Variants in FOXK2 observed in about 807,000 individuals in gnomAD.
The protein encoded by FOXK2 is forkhead box K2.
A neutral mutation model predicts 53.3 loss-of-function variants in FOXK2; 24 were observed. The ratio of observed to expected loss-of-function variants is 0.45; its 90% CI spans 0.33 to 0.63. FOXK2 has a LOEUF of 0.63. Among genes scored for constraint, FOXK2 ranks in the 30% least tolerant of loss-of-function variants. The probability of loss-of-function intolerance (pLI) is 0.03; values close to 1 mark genes in which losing one functional copy is unlikely to be tolerated. For missense variants in FOXK2, 952 were observed against 910.5 expected, an observed-to-expected ratio of 1.05 and a Z score of -0.59; for synonymous variants, 505 against 407.1, an observed-to-expected ratio of 1.24 and a Z score of -2.89.
chr17:82,584,270 C>A, intron 6 of FOXK2, 82 bp downstream of exon 6: 1 of 1,399,490 alleles, frequency 7.1e-7, no homozygotes. Flanking sequence ...AAGAAACAGC[C>A]GGACTGGAGG....
Position 82,538,151 on chromosome 17 carries a change from A to G in FOXK2, c.419+17844A>G, listed in dbSNP as rs916509935. Among the ~76,000 whole-genome samples, 36 of 152,112 alleles carry G rather than the reference A, an allele frequency of 2.4e-4. 4 individuals carry two copies. The highest frequency in any genetic ancestry group is 2.2e-3 in the Admixed American group (33 of 15,262). On this transcript the variant is annotated intron_variant, in intron 1 of 8. Transcript: ENST00000335255. ...GACAGGAGAATCGTTTGAACCCAAG[A>G]GGCAGAGGTTGCAGTGAGCCGAGAT...
intron 8 of FOXK2, among the ~76,000 whole-genome samples, chr17:82,589,640 G>C (rs571584853): frequency 7.9e-5 from 12 of 152,144 alleles, no homozygotes; most frequent in African/African-American, 2.9e-4. Context: ...CTGAGGGCCT[G>C]TTTCCACTCA....
intron 1 of FOXK2, among the ~76,000 whole-genome samples, chr17:82,520,623 C>T (rs571882185): frequency 1.3e-5 from 2 of 152,232 alleles, no homozygotes; most frequent in African/African-American, 4.8e-5. Flanking sequence ...TTCACGTGTG[C>T]TGTTTCTATT....
chr17:82,583,135 A>G (rs2045084210), intron 5 of FOXK2, among the ~76,000 whole-genome samples: 2 of 152,204 alleles, frequency 1.3e-5, no homozygotes, highest in Admixed American at 1.3e-4. Flanking sequence ...ACGATTTGCA[A>G]AGTTTAAACT....
At chr17:82,527,337 A>G (rs916243866) in intron 1 of FOXK2, among the ~76,000 whole-genome samples, 1 of 152,034 alleles carries the variant, frequency 6.6e-6, no homozygotes, top group Non-Finnish European at 1.5e-5. Context: ...ATAGCTTTTA[A>G]AGAAATTTTG....
At chr17:82,550,750 C>T (rs2044669181) in intron 1 of FOXK2, among the ~76,000 whole-genome samples, 1 of 152,096 alleles carries the variant, frequency 6.6e-6, no homozygotes, top group South Asian at 2.1e-4. Context: ...TGTGATCCGC[C>T]TGCCTCAGCC....
Position 82,552,603 on chromosome 17 carries a change from C to G in FOXK2, c.420-10751C>G, listed in dbSNP as rs184341741. ...CAGCATTAGTGATTTCGTCGAACGT[C>G]CCTCAGTTAGGATTTGTTGGATGTT... On this transcript the variant is annotated intron_variant, in intron 1 of 8. Coordinates refer to ENST00000335255, the MANE Select transcript of FOXK2 (RefSeq NM_004514.4). Among the ~76,000 whole-genome samples the G allele has an allele frequency of 5.6e-3, 848 of 152,300 alleles. 4 individuals carry two copies. Among genetic ancestry groups the G allele is most frequent in the Non-Finnish European group, 0.011 (719 of 68,030 alleles).
At chr17:82,546,139 T>C (rs1486533608) in intron 1 of FOXK2, among the ~76,000 whole-genome samples, 2 of 113,222 alleles carry the variant, frequency 1.8e-5, no homozygotes, top group Non-Finnish European at 3.5e-5. Context: ...TTTTTTGAGA[T>C]GGAGTCTCGC....
chr17:82,576,991 C>G (rs2044994902), intron 4 of FOXK2: 1 of 392,416 alleles, frequency 2.5e-6, no homozygotes. Context: ...GAAACTACAT[C>G]TCTACTAAAA....
At chr17:82,583,950 ACAG>A in intron 5 of FOXK2, 60 bp from the exon 6 acceptor site, 1 of 1,506,610 alleles carries the variant, frequency 6.6e-7, no homozygotes, top group Non-Finnish European at 8.9e-7. Flanking sequence ...ACTTATTAAA[ACAG>A]CAAGTGCTTT....
At chr17:82,559,329 G>A (rs1013922796) in intron 1 of FOXK2, 10 of 454,814 alleles carry the variant, frequency 2.2e-5, no homozygotes, top group African/African-American at 1.4e-4. Context: ...GCTGGCGACC[G>A]TGCGGACTCC....
intron 1 of FOXK2, chr17:82,559,310 C>T: frequency 2.2e-6 from 1 of 450,246 alleles, no homozygotes; most frequent in Non-Finnish European, 4.5e-6. Context: ...CTTCCCATCT[C>T]TGCTACTGGC....
intron 5 of FOXK2, among the ~76,000 whole-genome samples, chr17:82,583,657 C>CA (rs112942708): frequency 2.7e-4 from 40 of 150,874 alleles, no homozygotes; most frequent in East Asian, 2.1e-3. Context: ...CTGTTTTTAA[C>CA]AAAAAAAAAA....
intron 8 of FOXK2, among the ~76,000 whole-genome samples, chr17:82,589,719 T>C (rs2045234400): frequency 6.6e-6 from 1 of 152,194 alleles, no homozygotes; most frequent in Non-Finnish European, 1.5e-5. Context: ...GTGTCAGCAC[T>C]GAGGGCCTGT....
At position 82,586,488 on chromosome 17, in the gene FOXK2, TCAAAGGTGGGCCGG is replaced by T. The variant is rs1567985389; in HGVS notation, c.1576+289_1576+302del. 7.9e-4 allele frequency among the ~76,000 whole-genome samples: 17 copies of T among 21,622 alleles called. 4 individuals carry two copies. Among genetic ancestry groups the T allele is most frequent in the East Asian group, 3.3e-3 (3 of 904 alleles). 14.2% of individuals were successfully genotyped at this position (21,622 alleles called of 152,430 possible). A position where few individuals can be genotyped will look rare whatever the true frequency, so the allele number is the denominator to read the frequency against. On this transcript the variant is annotated intron_variant, in intron 7 of 8. Transcript: ENST00000335255. ...GAGGAGAGGGGAGACCACAGGGAGG[TCAAAGGTGGGCCGG>T]GGGGGAAAGGAGGAGAGGGGAGACC...
At chr17:82,590,754 T>C (rs1428135991) in intron 8 of FOXK2, among the ~76,000 whole-genome samples, 1 of 152,158 alleles carries the variant, frequency 6.6e-6, no homozygotes, top group Admixed American at 6.5e-5. Flanking sequence ...GTGTAGTGTA[T>C]TACCCCAAGG....
chr17:82,584,267 A>G (rs1212259031), intron 6 of FOXK2, 79 bp downstream of exon 6: 1 of 1,420,532 alleles, frequency 7.0e-7, no homozygotes, highest in South Asian at 1.4e-5. Context: ...GAGAAGAAAC[A>G]GCCGGACTGG....
chr17:82,578,951 A>T (rs1187557720), intron 4 of FOXK2, among the ~76,000 whole-genome samples: 2 of 152,146 alleles, frequency 1.3e-5, no homozygotes. Context: ...TCCTAAGAGC[A>T]TGCAAATTAA....
chr17:82,563,281 G>T, intron 1 of FOXK2, 73 bp from the exon 2 acceptor site: 1 of 1,413,118 alleles, frequency 7.1e-7, no homozygotes, highest in Non-Finnish European at 9.7e-7. Context: ...CAGTGTTGTG[G>T]GGACATGTGG....
Sources: gnomAD v4.1 joint callset for allele counts (sites outside exome capture counted in the v4.1 genomes callset) on GRCh38, gnomAD v4.1.1 for gene constraint, MANE v1.5 for transcripts, NCBI Gene and HGNC (gene_info 2026-07-23, HGNC 2026-07-21) for gene names.